Variants in NLRP11 observed in about 807,000 individuals in gnomAD.
NLRP11 encodes the protein NACHT, LRR and PYD domains-containing protein 11.
In NLRP11, 53 loss-of-function variants were observed where a neutral mutation model predicts 79.3. That is an observed-to-expected ratio of 0.67 (90% CI 0.54 to 0.84). The LOEUF (loss-of-function observed/expected upper bound fraction) is 0.84. Among genes scored for constraint, NLRP11 ranks in the 40% least tolerant of loss-of-function variants. NLRP11 has a pLI of 0.00. For synonymous variants in NLRP11, 518 were observed against 462.6 expected, an observed-to-expected ratio of 1.12 and a Z score of -1.54; for missense variants, 1,264 against 1,255.0, an observed-to-expected ratio of 1.01 and a Z score of -0.11.
At chr19:55,792,803 C>T (rs879884635) in intron 6 of NLRP11, among the ~76,000 whole-genome samples, 41 of 152,162 alleles carry the variant, frequency 2.7e-4, no homozygotes, top group Non-Finnish European at 4.9e-4. Flanking sequence ...CTAGGATTTT[C>T]AGTTTAAAAA....
chr19:55,808,812 G>T (rs565303853), exon 3 of NLRP11: 6 of 1,612,932 alleles, frequency 3.7e-6, no homozygotes, highest in Non-Finnish European at 5.1e-6. Flanking sequence ...TGAAAGATGC[G>T]CTGAACACTC....
chr19:55,817,600 C>G (rs1981260680), intron 2 of NLRP11, among the ~76,000 whole-genome samples: 1 of 151,998 alleles, frequency 6.6e-6, no homozygotes, highest in African/African-American at 2.4e-5. Context: ...TGTATTTTCT[C>G]TTAAGTGGGA....
exon 10 of NLRP11, chr19:55,785,516 C>A: frequency 2.1e-6 from 2 of 939,284 alleles, no homozygotes; most frequent in Non-Finnish European, 3.2e-6. Flanking sequence ...CACACACACA[C>A]ACACACACAC....
chr19:55,793,164 G>A (rs956932311), intron 6 of NLRP11, among the ~76,000 whole-genome samples: 1 of 152,178 alleles, frequency 6.6e-6, no homozygotes, highest in African/African-American at 2.4e-5. Context: ...ATAGGCGTGA[G>A]CCACCACACC....
chr19:55,797,616 G>C (rs1471908289), intron 5 of NLRP11, among the ~76,000 whole-genome samples: 1 of 152,174 alleles, frequency 6.6e-6, no homozygotes, highest in African/African-American at 2.4e-5. Flanking sequence ...AGAAAGAAAA[G>C]GATGTATTCT....
intron 6 of NLRP11, among the ~76,000 whole-genome samples, chr19:55,795,381 C>G (rs987221663): frequency 6.6e-6 from 1 of 152,224 alleles, no homozygotes; most frequent in Non-Finnish European, 1.5e-5. Flanking sequence ...TCATCCTACA[C>G]GACACCCAGT....
intron 1 of NLRP11, among the ~76,000 whole-genome samples, chr19:55,831,102 C>T (rs1982728673): frequency 7.5e-6 from 1 of 133,232 alleles, no homozygotes; most frequent in African/African-American, 2.8e-5. Flanking sequence ...ACCGCCCCAC[C>T]CCCCCCATCC....
chr19:55,814,983 A>T (rs1363089271), intron 2 of NLRP11, among the ~76,000 whole-genome samples: 1 of 152,232 alleles, frequency 6.6e-6, no homozygotes, highest in Non-Finnish European at 1.5e-5. Context: ...TGTACACCTT[A>T]AGTATACATA....
In NLRP11 at chr19:55,815,755, C is replaced by T. The variant is rs60678999; in HGVS notation, c.271+2149G>A. On this transcript the variant is annotated intron_variant, in intron 2 of 9. Transcript: ENST00000589093. ...ATTAAGGAGTTCACTAAGGAATTCACTCATGAATCCTTCTCAGAGGCAGAG... is the reference window on the plus strand; with the variant it reads ...ATTAAGGAGTTCACTAAGGAATTCATTCATGAATCCTTCTCAGAGGCAGAG... Among the ~76,000 whole-genome samples, 947 of 152,192 alleles carry T rather than the reference C, an allele frequency of 6.2e-3. 9 individuals are homozygous for T. The East Asian group carries it at 0.072, about 12-fold the overall frequency.
chr19:55,809,032 C>T lies in NLRP11; in HGVS notation c.1578G>A (p.Val526=), dbSNP rs753550480. The change falls in exon 3 of 10, where the codon GTG becomes GTA. Residue 526 remains valine, a synonymous_variant. Coordinates refer to ENST00000589093, the Ensembl canonical transcript of NLRP11. The surrounding 1 kb of genome is among the most constrained non-coding windows in gnomAD (Gnocchi z 4.5). ...CACGGTCCAAATGTTTCATGTATCC[C>T]ACCGAGTACCACTTGAAGCTGTCTA... 1 of 1,614,072 alleles carries T rather than the reference C, an allele frequency of 6.2e-7. No individual in the cohort carries two copies.
exon 6 of NLRP11, chr19:55,796,195 T>A (rs1978841892): frequency 6.2e-7 from 1 of 1,613,632 alleles, no homozygotes; most frequent in Non-Finnish European, 8.5e-7. Context: ...CCGCCACTGA[T>A]GAGGAGAGAG....
intron 3 of NLRP11, 45 bp downstream of exon 3, chr19:55,808,724 G>T (rs1367535174): frequency 6.5e-7 from 1 of 1,534,106 alleles, no homozygotes; most frequent in Non-Finnish European, 8.8e-7. Flanking sequence ...ATTATGGGCA[G>T]GTCTTAGGAA....
upstream of NLRP11, among the ~76,000 whole-genome samples, chr19:55,834,958 C>T (rs1230344521): frequency 6.6e-6 from 1 of 152,046 alleles, no homozygotes; most frequent in Non-Finnish European, 1.5e-5. Flanking sequence ...GAATGAAGTT[C>T]ACTTCACAAC....
At chr19:55,823,071 C>G (rs1302041313) in intron 1 of NLRP11, among the ~76,000 whole-genome samples, 6 of 148,120 alleles carry the variant, frequency 4.1e-5, no homozygotes, top group African/African-American at 1.3e-4. Context: ...GATCTGAGAA[C>G]CAGCAGACTG....
intron 4 of NLRP11, among the ~76,000 whole-genome samples, chr19:55,804,468 T>A (rs1390008790): frequency 1.3e-5 from 2 of 151,604 alleles, no homozygotes; most frequent in African/African-American, 4.8e-5. Context: ...GGCAGGAATA[T>A]GGAGTTGGAG....
At chr19:55,789,422 A>G (rs772846472) in intron 7 of NLRP11, 23 bp from the exon 8 acceptor site, 1 of 1,600,308 alleles carries the variant, frequency 6.2e-7, no homozygotes, top group Non-Finnish European at 8.5e-7. Flanking sequence ...AACATGAGCT[A>G]GAGTCATGAC....
chr19:55,802,908 A>G (rs998886302), intron 4 of NLRP11, among the ~76,000 whole-genome samples: 2 of 152,224 alleles, frequency 1.3e-5, no homozygotes, highest in African/African-American at 4.8e-5. Context: ...AAAGACAAGC[A>G]GTGGAGAAAA....
At chr19:55,822,133 G>A (rs77444129) in intron 1 of NLRP11, among the ~76,000 whole-genome samples, 4,684 of 152,212 alleles carry the variant, frequency 0.031, 251 homozygotes, top group African/African-American at 0.11. Flanking sequence ...TGGTGGTGGT[G>A]GCTACCTGTA....
chr19:55,813,963 G>A (rs1600193938), intron 2 of NLRP11, among the ~76,000 whole-genome samples: 1 of 152,130 alleles, frequency 6.6e-6, no homozygotes, highest in South Asian at 2.1e-4. Context: ...CATGGCCTAG[G>A]AGGCATGTTC....
Sources: gnomAD v4.1 joint callset for allele counts (sites outside exome capture counted in the v4.1 genomes callset) on GRCh38, gnomAD v4.1.1 for gene constraint, Gnocchi (gnomAD v3.1) non-coding constraint, MANE v1.5 for transcripts, NCBI Gene and HGNC (gene_info 2026-07-23, HGNC 2026-07-21) for gene names.